The following CNTN6 variants were observed in gnomAD, a reference collection of about 807,000 sequenced individuals.
CNTN6 encodes the protein contactin-6.
A neutral mutation model predicts 122.8 loss-of-function variants in CNTN6; 137 were observed. The ratio of observed to expected loss-of-function variants is 1.12; its 90% CI spans 0.97 to 1.29. The LOEUF (loss-of-function observed/expected upper bound fraction) is 1.29, where lower values mean the gene tolerates loss of function less well. Ranked by LOEUF, CNTN6 falls within the 50% of genes most tolerant of loss-of-function variation. The pLI, the probability that CNTN6 is intolerant of heterozygous loss-of-function variation, is 0.00. For missense variants in CNTN6, 1,634 were observed against 1,223.4 expected (o/e 1.34, Z -5.01); for synonymous variants, 570 against 426.0 (o/e 1.34, Z -4.16).
At chr3:1,374,163 C>T (rs1342656293) in intron 16 of CNTN6, 90 bp downstream of exon 16, 1 of 1,342,176 alleles carries the variant, frequency 7.5e-7, no homozygotes, top group Non-Finnish European at 1.0e-6. Flanking sequence ...TCTTCTAATA[C>T]TTTTGGCTCA....
At chr3:1,232,032 A>C (rs3772343) in intron 4 of CNTN6, among the ~76,000 whole-genome samples, 4,138 of 152,316 alleles carry the variant, frequency 0.027, 88 homozygotes, top group East Asian at 0.08. Flanking sequence ...GTGTGAGAGA[A>C]CATTGCATCT....
At chr3:1,260,425 G>A (rs891546346) in intron 4 of CNTN6, among the ~76,000 whole-genome samples, 2 of 151,856 alleles carry the variant, frequency 1.3e-5, no homozygotes, top group African/African-American at 4.8e-5. Context: ...ATAGATTCAG[G>A]GCAGATGTTT....
In CNTN6 at chr3:1,372,580, A is replaced by G. The variant is rs936604193; in HGVS notation, c.1668+106A>G. 6 of 980,110 alleles carry G rather than the reference A, an allele frequency of 6.1e-6. No individual in the cohort carries two copies. The Admixed American group carries it at 1.5e-4, about 24-fold the overall frequency. The allele number at this position is 980,110 out of a possible 1,614,324, so 60.7% of individuals were successfully genotyped here. On this transcript the variant is annotated intron_variant, in intron 13 of 22. Transcript: ENST00000446702. ...TCCATCTTTATTTGCATGGATAATCACTGACTGTTTTTGAAGCTACATTTG... is the reference window on the plus strand; with the variant it reads ...TCCATCTTTATTTGCATGGATAATCGCTGACTGTTTTTGAAGCTACATTTG...
chr3:1,326,522 G>A (rs1041581890), intron 9 of CNTN6, among the ~76,000 whole-genome samples: 2 of 151,684 alleles, frequency 1.3e-5, no homozygotes, highest in Admixed American at 6.6e-5. Flanking sequence ...GAACACTGAC[G>A]ACTGTCTTTA....
chr3:1,209,857 T>C (rs1475260856), intron 2 of CNTN6, among the ~76,000 whole-genome samples: 1 of 152,196 alleles, frequency 6.6e-6, no homozygotes, highest in East Asian at 1.9e-4. Flanking sequence ...ATCTGAGCAA[T>C]CTTTAATGTT....
At chr3:1,109,525 T>C (rs1041346630) in intron 1 of CNTN6, among the ~76,000 whole-genome samples, 1 of 152,060 alleles carries the variant, frequency 6.6e-6, no homozygotes, top group African/African-American at 2.4e-5. Context: ...TTTTTAACTC[T>C]AAACAGAGCC....
intron 5 of CNTN6, among the ~76,000 whole-genome samples, chr3:1,291,710 A>C (rs192346474): frequency 7.9e-5 from 12 of 152,304 alleles, no homozygotes; most frequent in Non-Finnish European, 1.0e-4. Context: ...TCTGATTTCA[A>C]ACAAAAACCT....
At chr3:1,277,017 C>A (rs535678863) in intron 4 of CNTN6, among the ~76,000 whole-genome samples, 1 of 152,256 alleles carries the variant, frequency 6.6e-6, no homozygotes, top group African/African-American at 2.4e-5. Flanking sequence ...TCCTCTCAAA[C>A]ATAGTAAGTG....
At chr3:1,105,483 C>T (rs2124988094) in intron 1 of CNTN6, among the ~76,000 whole-genome samples, 1 of 152,128 alleles carries the variant, frequency 6.6e-6, no homozygotes, top group South Asian at 2.1e-4. Context: ...AAGTGTGAAA[C>T]CTTGAAAAAT....
In CNTN6 at chr3:1,385,507, C is replaced by T. The variant is rs1271098902; in HGVS notation, c.2518-104C>T. 11 of 833,904 alleles carry T rather than the reference C, an allele frequency of 1.3e-5. No homozygotes were observed. In the South Asian group the frequency reaches 2.3e-4, roughly 17 times the overall value. 51.7% of individuals were successfully genotyped at this position (833,904 alleles called of 1,614,324 possible). A position where few individuals can be genotyped will look rare whatever the true frequency, so the allele number is the denominator to read the frequency against. ...ACGTTTTTGTCATCTATACTTCTGT[C>T]TTCTTCCCATATTCCTTGTGGTTGT... On this transcript the variant is annotated intron_variant, in intron 19 of 22. Transcript: ENST00000446702.
At chr3:1,167,176 C>T (rs2093271196) in intron 2 of CNTN6, among the ~76,000 whole-genome samples, 2 of 151,824 alleles carry the variant, frequency 1.3e-5, no homozygotes, top group South Asian at 2.1e-4. Flanking sequence ...CAAACAAAAA[C>T]ACCTTGGTTC....
At chr3:1,392,811 C>T (rs1478933707) in intron 20 of CNTN6, among the ~76,000 whole-genome samples, 10 of 138,108 alleles carry the variant, frequency 7.2e-5, no homozygotes, top group South Asian at 2.5e-4. Flanking sequence ...AAAAAATGCT[C>T]ATCATCACTG....
rs557911109 is a variant in CNTN6, at chr3:1,357,357, TGAC to T, written c.1492+4910_1492+4912del. Among the ~76,000 whole-genome samples, 7 of 152,036 alleles carry T rather than the reference TGAC, an allele frequency of 4.6e-5. No homozygotes were observed. In the South Asian group the frequency reaches 1.2e-3, roughly 27 times the overall value. On this transcript the variant is annotated intron_variant, in intron 12 of 22. Coordinates refer to ENST00000446702, the MANE Select transcript of CNTN6 (RefSeq NM_001289080.2). The stretch of plus-strand genomic sequence containing the variant: ...TGCCATTACTAACTAACGTGGAACT[TGAC>T]GACTTAGTTTTTATGGTTATTCATC...
At chr3:1,376,952 A>C (rs1709950562) in intron 16 of CNTN6, 53 bp from the exon 17 acceptor site, 5 of 1,224,760 alleles carry the variant, frequency 4.1e-6, no homozygotes, top group Non-Finnish European at 4.7e-6. Flanking sequence ...ATTCTTCCTG[A>C]TGAAGACGTA....
intron 5 of CNTN6, among the ~76,000 whole-genome samples, chr3:1,292,052 A>C (rs537685623): frequency 6.6e-6 from 1 of 152,202 alleles, no homozygotes; most frequent in South Asian, 2.1e-4. Context: ...CTACATCCCG[A>C]GTAGTGTTCA....
chr3:1,217,960 C>T (rs1391108182), intron 2 of CNTN6, among the ~76,000 whole-genome samples: 1 of 152,234 alleles, frequency 6.6e-6, no homozygotes, highest in African/African-American at 2.4e-5. Flanking sequence ...TCCTCATCCT[C>T]TTCCCCTTCC....
At chr3:1,233,754 A>AG in intron 4 of CNTN6, among the ~76,000 whole-genome samples, 1 of 151,396 alleles carries the variant, frequency 6.6e-6, no homozygotes, top group East Asian at 1.9e-4. Context: ...AAAAAAAAAA[A>AG]AAAAGTAGTT....
chr3:1,368,643 A>G (rs907912722), intron 12 of CNTN6, among the ~76,000 whole-genome samples: 1 of 152,174 alleles, frequency 6.6e-6, no homozygotes, highest in Non-Finnish European at 1.5e-5. Context: ...TTGATCTAGT[A>G]AACAATTGAC....
intron 2 of CNTN6, among the ~76,000 whole-genome samples, chr3:1,152,376 C>A (rs1433974569): frequency 2.0e-5 from 3 of 151,964 alleles, no homozygotes; most frequent in Non-Finnish European, 4.4e-5. Flanking sequence ...TGAGCTCAGG[C>A]AATCCACCCA....
Sources: allele counts gnomAD v4.1 joint callset (sites outside exome capture counted in the v4.1 genomes callset), GRCh38; gene constraint gnomAD v4.1.1; transcripts MANE v1.5; gene names NCBI Gene and HGNC (gene_info 2026-07-23, HGNC 2026-07-21).